The following CACNA1C variants were observed in gnomAD, a reference collection of about 807,000 sequenced individuals.
CACNA1C encodes the protein calcium voltage-gated channel subunit alpha1 C, also known as voltage-dependent L-type calcium channel subunit alpha-1C.
CACNA1C carries 30 observed loss-of-function variants against 229.0 expected under a neutral mutation model. That is an observed-to-expected ratio of 0.13 (90% confidence interval 0.10 to 0.18). The LOEUF is 0.18. Ranked by LOEUF, CACNA1C falls within the 10% of genes least tolerant of loss-of-function variation. The probability of loss-of-function intolerance (pLI) is 1.00; values close to 1 mark genes in which losing one functional copy is unlikely to be tolerated. For synonymous variants in CACNA1C, 1,114 were observed against 1,132.5 expected, an observed-to-expected ratio of 0.98 and a Z score of 0.33; for missense variants, 1,658 against 2,845.0, an observed-to-expected ratio of 0.58 and a Z score of 9.49.
chr12:2,410,716 G>A lies in CACNA1C; in HGVS notation c.478-38260G>A, dbSNP rs1355217585. Among the ~76,000 whole-genome samples the A allele has an allele frequency of 6.7e-6, 1 of 148,910 alleles. No individual in the cohort carries two copies. Among genetic ancestry groups the A allele is most frequent in the Non-Finnish European group, 1.5e-5 (1 of 66,320 alleles). On this transcript the variant is annotated intron_variant, in intron 3 of 46. Transcript: ENST00000399655. The surrounding 1 kb of genome is among the most constrained non-coding windows in gnomAD (Gnocchi z 5.3). ...GGCTCGCCTGTGTGTGTGTGTGTGCGTGCACGCATGTGTGTGTGTGCATGC... is the reference window on the plus strand; with the variant it reads ...GGCTCGCCTGTGTGTGTGTGTGTGCATGCACGCATGTGTGTGTGTGCATGC...
intron 5 of CACNA1C, among the ~76,000 whole-genome samples, chr12:2,484,243 G>T (rs938260694): frequency 2.0e-5 from 3 of 152,184 alleles, no homozygotes; most frequent in Non-Finnish European, 2.9e-5. Context: ...CAGATGCTTG[G>T]GCTGAGAGTG....
In CACNA1C at chr12:2,679,510, C is replaced by G. The variant is rs1008863902; in HGVS notation, c.5158C>G (p.Gln1720Glu). Residue 1720 changes from glutamine (Q) to glutamate (E), a missense_variant, in exon 42 of 47, where the codon CAG becomes GAG. Around this residue, in one of 20 missense-constraint regions of CACNA1C, gnomAD observed 590 missense variants for 700.8 expected, o/e 0.84. Transcript: ENST00000399655. This position sits in a 1 kb window ranked among gnomAD's most constrained non-coding sequence, Gnocchi z 5.5. Reference protein sequence around the residue: ...YQSDGRSAFPQTFTTQRPLHI... With the variant: ...YQSDGRSAFPETFTTQRPLHI... ...AAGCGACGGCCGGAGCGCCTTCCCC[C>G]AGACCTTCACCACTCAGCGCCCGCT... 1.9e-6 allele frequency: 3 copies of G among 1,611,106 alleles called. No individual in the cohort carries two copies. The highest frequency in any genetic ancestry group is 2.5e-6 in the Non-Finnish European group (3 of 1,178,124).
At chr12:2,568,189 G>A (rs1273310066) in intron 13 of CACNA1C, among the ~76,000 whole-genome samples, 1 of 152,102 alleles carries the variant, frequency 6.6e-6, no homozygotes, top group Non-Finnish European at 1.5e-5. Context: ...CATTCAAATT[G>A]GAGGTGGGAA....
chr12:2,361,564 G>A (rs1325713606), intron 3 of CACNA1C, among the ~76,000 whole-genome samples: 1 of 151,942 alleles, frequency 6.6e-6, no homozygotes, highest in Admixed American at 6.6e-5. Flanking sequence ...TGGAGTTCTA[G>A]CAGCCACTTT....
At chr12:1,995,161 T>C (rs2040492474) in intron 1 of CACNA1C, among the ~76,000 whole-genome samples, 2 of 152,144 alleles carry the variant, frequency 1.3e-5, no homozygotes, top group African/African-American at 4.8e-5. Context: ...CAAACTTATA[T>C]TTGGTCTGGA....
intron 9 of CACNA1C, among the ~76,000 whole-genome samples, chr12:2,533,771 A>G (rs1294644929): frequency 6.6e-6 from 1 of 152,132 alleles, no homozygotes; most frequent in East Asian, 1.9e-4. Flanking sequence ...CAGAGGCTGG[A>G]GAAGGCCTGC....
In CACNA1C at chr12:2,319,507, G is replaced by A. The variant is rs1423656013; in HGVS notation, c.478-129469G>A. ...CCCAGGCCCCTGACACCCTGGCTCC[G>A]AACCCCCAGCAGCCAGCGGGTGGGT... is the stretch of plus-strand genomic sequence containing the variant. On this transcript the variant is annotated intron_variant, in intron 3 of 46. Transcript: ENST00000399655. The surrounding 1 kb of genome is among the most constrained non-coding windows in gnomAD (Gnocchi z 4.0). Among the ~76,000 whole-genome samples the A allele has an allele frequency of 2.0e-5, 3 of 152,090 alleles. No individual in the cohort carries two copies. Among genetic ancestry groups the A allele is most frequent in the Non-Finnish European group, 2.9e-5 (2 of 67,990 alleles).
rs1180479670 is a variant in CACNA1C at position 2,653,652 on chromosome 12, G to C, written c.4075-183G>C. Among the ~76,000 whole-genome samples, 1 of 152,228 alleles carries C rather than the reference G, an allele frequency of 6.6e-6. No homozygotes were observed. Among genetic ancestry groups the C allele is most frequent in the Non-Finnish European group, 1.5e-5 (1 of 68,040 alleles). Reference sequence around the variant, plus strand: ...AAAACCAAGCTGAAATGGGAAGTCAGTTCCGGTTTCTCAGACCTTCTCGCA... The same window carrying C: ...AAAACCAAGCTGAAATGGGAAGTCACTTCCGGTTTCTCAGACCTTCTCGCA... On this transcript the variant is annotated intron_variant, in intron 32 of 46. Transcript: ENST00000399655. The surrounding 1 kb of genome is among the most constrained non-coding windows in gnomAD (Gnocchi z 4.7).
intron 1 of CACNA1C, among the ~76,000 whole-genome samples, chr12:2,037,596 C>T (rs925146093): frequency 9.2e-5 from 14 of 152,324 alleles, no homozygotes; most frequent in Admixed American, 6.5e-4. Context: ...CCACTTTGTG[C>T]AGGTCAGGCA....
chr12:2,183,739 C>T (rs570616893), intron 3 of CACNA1C, among the ~76,000 whole-genome samples: 14 of 152,222 alleles, frequency 9.2e-5, no homozygotes, highest in African/African-American at 1.7e-4. Flanking sequence ...CTTGCCTTCC[C>T]GCCAGGTGGG....
At chr12:2,343,520 G>A (rs959594916) in intron 3 of CACNA1C, among the ~76,000 whole-genome samples, 5 of 152,016 alleles carry the variant, frequency 3.3e-5, no homozygotes, top group African/African-American at 1.2e-4. Context: ...GTTACATGGA[G>A]CATACTTATA....
chr12:2,659,631 A>G (rs1447274165), intron 34 of CACNA1C, among the ~76,000 whole-genome samples: 1 of 152,254 alleles, frequency 6.6e-6, no homozygotes, highest in Non-Finnish European at 1.5e-5. Flanking sequence ...AAAAAGCTGT[A>G]TATTAAATAA....
At chr12:2,341,534 C>T (rs933775259) in intron 3 of CACNA1C, among the ~76,000 whole-genome samples, 15 of 152,214 alleles carry the variant, frequency 9.9e-5, no homozygotes, top group Admixed American at 3.3e-4. Context: ...TAGCCACAGG[C>T]CCCTGTGCAC....
At chr12:2,097,336 C>T (rs531885535) in intron 1 of CACNA1C, among the ~76,000 whole-genome samples, 89 of 151,794 alleles carry the variant, frequency 5.9e-4, no homozygotes, top group Middle Eastern at 3.4e-3. Context: ...TTAGTAGAGA[C>T]GGGGTTTCAC....
At chr12:2,123,595 T>TC (rs1329756693) in intron 3 of CACNA1C, among the ~76,000 whole-genome samples, 4 of 152,006 alleles carry the variant, frequency 2.6e-5, no homozygotes, top group African/African-American at 9.7e-5. Flanking sequence ...CACGACCCTG[T>TC]CCCCCTGAAG....
chr12:2,488,289 CCCAAGGCTTTGTTA>C lies in CACNA1C; in HGVS notation c.916+2031_916+2044del, dbSNP rs1336010490. ...AGCGGCCCTGAATACTGGTTGGAAG[CCCAAGGCTTTGTTA>C]CCAGGCCTCAGAGGCCCTGGATAGT... On this transcript the variant is annotated intron_variant, in intron 6 of 46. Coordinates refer to ENST00000399655, the MANE Select transcript of CACNA1C (RefSeq NM_000719.7). The surrounding 1 kb of genome is among the most constrained non-coding windows in gnomAD (Gnocchi z 4.0). Among the ~76,000 whole-genome samples, 1 of 152,196 alleles carries C rather than the reference CCCAAGGCTTTGTTA, an allele frequency of 6.6e-6. No homozygotes were observed. Among genetic ancestry groups the C allele is most frequent in the African/African-American group, 2.4e-5 (1 of 41,434 alleles).
intron 7 of CACNA1C, among the ~76,000 whole-genome samples, chr12:2,503,267 CCA>C (rs2099764682): frequency 6.6e-6 from 1 of 152,166 alleles, no homozygotes; most frequent in Non-Finnish European, 1.5e-5. Flanking sequence ...CGTCCGTGGG[CCA>C]CACTTTGAGA....
chr12:2,535,213 C>T lies in CACNA1C; in HGVS notation c.1391-14730C>T, dbSNP rs1487349459. 2.7e-5 allele frequency among the ~76,000 whole-genome samples: 4 copies of T among 150,822 alleles called. No homozygotes were observed. In the East Asian group the frequency reaches 5.9e-4, roughly 22 times the overall value. ...GACCATCCTGGCTAACACAGTGAAACCCCATCCCTACTAAAAATACAAAAA... is the reference window on the plus strand; with the variant it reads ...GACCATCCTGGCTAACACAGTGAAATCCCATCCCTACTAAAAATACAAAAA... On this transcript the variant is annotated intron_variant, in intron 9 of 46. Transcript: ENST00000399655.
rs138550411 is a variant in CACNA1C at position 2,259,331 on chromosome 12, G to C, written c.477+138901G>C. ...GTTTGAGACTGGTTAGCTTAAAACA[G>C]CCTCTGAGAGGGGCTGCAAGCCACT... On this transcript the variant is annotated intron_variant, in intron 3 of 46. Transcript: ENST00000399655. Among the ~76,000 whole-genome samples the C allele has an allele frequency of 2.8e-3, 432 of 152,332 alleles. 5 individuals are homozygous for C. The highest frequency in any genetic ancestry group is 9.9e-3 in the African/African-American group (412 of 41,574).
Sources: allele counts gnomAD v4.1 joint callset (sites outside exome capture counted in the v4.1 genomes callset), GRCh38; gene constraint gnomAD v4.1.1; regional missense constraint gnomAD v4.1.1; non-coding constraint Gnocchi (gnomAD v3.1); transcripts MANE v1.5; gene names NCBI Gene and HGNC (gene_info 2026-07-23, HGNC 2026-07-21).